The following TANC2 variants were observed in gnomAD, a reference collection of about 807,000 sequenced individuals.
TANC2 encodes the protein tetratricopeptide repeat, ankyrin repeat and coiled-coil containing 2.
TANC2 carries 26 observed loss-of-function variants against 210.5 expected under a neutral mutation model. That is an observed-to-expected ratio of 0.12 (90% CI 0.09 to 0.17). The LOEUF (loss-of-function observed/expected upper bound fraction) is 0.17. TANC2 is among the 10% of genes least tolerant of loss of function. The pLI is 1.00. For synonymous variants in TANC2, 931 were observed against 967.1 expected (o/e 0.96, Z 0.69); for missense variants, 2,129 against 2,608.9 (o/e 0.82, Z 4.01).
intron 11 of TANC2, among the ~76,000 whole-genome samples, chr17:63,320,209 T>C (rs933764084): frequency 6.6e-6 from 1 of 152,240 alleles, no homozygotes; most frequent in African/African-American, 2.4e-5. Context: ...AAAATTTGCT[T>C]ATTTTTCTTC....
intron 3 of TANC2, among the ~76,000 whole-genome samples, chr17:63,084,029 A>C (rs1415775228): frequency 2.0e-5 from 3 of 152,180 alleles, no homozygotes; most frequent in African/African-American, 7.2e-5. Context: ...TTCTGCTTCT[A>C]CCTTTTGAAA....
chr17:63,015,116 TA>T (rs145084051), intron 2 of TANC2, among the ~76,000 whole-genome samples: 9,361 of 151,970 alleles, frequency 0.062, 358 homozygotes, highest in African/African-American at 0.11. Flanking sequence ...TTGGGGTTAA[TA>T]AGGGAAGTTT....
At chr17:63,338,353 A>C (rs1459020852) in intron 11 of TANC2, among the ~76,000 whole-genome samples, 1 of 152,228 alleles carries the variant, frequency 6.6e-6, no homozygotes, top group Admixed American at 6.5e-5. Flanking sequence ...TAATAAAATC[A>C]GTAAAATAAT....
At chr17:62,977,226 G>C (rs2032057778) in intron 1 of TANC2, among the ~76,000 whole-genome samples, 1 of 152,138 alleles carries the variant, frequency 6.6e-6, no homozygotes, top group African/African-American at 2.4e-5. Flanking sequence ...AGTTATTTCT[G>C]TAGCACTTTG....
intron 2 of TANC2, among the ~76,000 whole-genome samples, chr17:63,028,993 C>G (rs189313358): frequency 4.6e-5 from 7 of 151,990 alleles, no homozygotes; most frequent in Middle Eastern, 3.4e-3. Flanking sequence ...AATGGTTTTA[C>G]TATTTTACAG....
chr17:63,118,058 G>C (rs930717641), intron 4 of TANC2, among the ~76,000 whole-genome samples: 7 of 152,286 alleles, frequency 4.6e-5, no homozygotes, highest in Non-Finnish European at 1.0e-4. Context: ...GTGAAGGTTA[G>C]ATTGTCTCTC....
intron 9 of TANC2, among the ~76,000 whole-genome samples, chr17:63,305,945 A>G (rs2044887743): frequency 6.6e-6 from 1 of 152,174 alleles, no homozygotes; most frequent in Non-Finnish European, 1.5e-5. Context: ...CGTGGACAGG[A>G]CAGAATTGAG....
intron 2 of TANC2, among the ~76,000 whole-genome samples, chr17:63,038,377 C>T (rs1422087297): frequency 6.6e-6 from 1 of 152,150 alleles, no homozygotes; most frequent in Non-Finnish European, 1.5e-5. Flanking sequence ...CCCACCTACT[C>T]ATAGTTTGTT....
intron 11 of TANC2, among the ~76,000 whole-genome samples, chr17:63,329,698 A>G (rs567880969): frequency 6.6e-6 from 1 of 152,314 alleles, no homozygotes; most frequent in African/African-American, 2.4e-5. Context: ...AGATACCATG[A>G]AGACAGCAAA....
At chr17:63,237,943 A>T in exon 8 of TANC2, 1 of 1,589,260 alleles carries the variant, frequency 6.3e-7, no homozygotes, top group Non-Finnish European at 8.6e-7. Flanking sequence ...TCCTGTTTGT[A>T]TCGAGTAGAT....
intron 4 of TANC2, among the ~76,000 whole-genome samples, chr17:63,112,374 G>T (rs575908268): frequency 6.6e-6 from 1 of 152,142 alleles, no homozygotes; most frequent in African/African-American, 2.4e-5. Flanking sequence ...CTAGGGGGAG[G>T]CAGTAGGCAA....
chr17:63,097,892 A>G (rs920323991), intron 3 of TANC2, among the ~76,000 whole-genome samples: 1 of 152,056 alleles, frequency 6.6e-6, no homozygotes, highest in African/African-American at 2.4e-5. Flanking sequence ...CATCATTTTA[A>G]TGTTTTCTTC....
intron 4 of TANC2, among the ~76,000 whole-genome samples, chr17:63,123,610 G>A (rs553805385): frequency 2.0e-5 from 3 of 148,648 alleles, no homozygotes; most frequent in Non-Finnish European, 4.5e-5. Flanking sequence ...TTGAAAATAA[G>A]TAAGGTTTTA....
chr17:63,285,626 G>A (rs1316219261), intron 9 of TANC2, among the ~76,000 whole-genome samples: 1 of 152,178 alleles, frequency 6.6e-6, no homozygotes, highest in Non-Finnish European at 1.5e-5. Context: ...CATGGTGCAA[G>A]TCTGGAGGAA....
chr17:63,231,173 A>G (rs528485382), intron 7 of TANC2, among the ~76,000 whole-genome samples: 26 of 151,992 alleles, frequency 1.7e-4, no homozygotes, highest in African/African-American at 6.0e-4. Context: ...TGCATTTGAG[A>G]TGGGTCTCTT....
intron 1 of TANC2, among the ~76,000 whole-genome samples, chr17:63,000,665 A>G (rs1038420122): frequency 6.6e-6 from 1 of 152,188 alleles, no homozygotes; most frequent in African/African-American, 2.4e-5. Flanking sequence ...CTGTCCAGAT[A>G]TTTCACTTGC....
chr17:63,302,142 CTG>C (rs543885830), intron 9 of TANC2, among the ~76,000 whole-genome samples: 4,021 of 152,238 alleles, frequency 0.026, 65 homozygotes, highest in Non-Finnish European at 0.038. Context: ...GTCTGAGAAA[CTG>C]TTTTTTATTA....
intron 9 of TANC2, among the ~76,000 whole-genome samples, chr17:63,286,211 T>A (rs2044216153): frequency 6.6e-6 from 1 of 152,240 alleles, no homozygotes; most frequent in Admixed American, 6.5e-5. Context: ...CATTTCTTTG[T>A]GTTAATCCAT....
At chr17:63,002,361 C>T (rs1048801256) in intron 1 of TANC2, among the ~76,000 whole-genome samples, 2 of 152,150 alleles carry the variant, frequency 1.3e-5, no homozygotes, top group South Asian at 2.1e-4. Context: ...TTTTAGTTAT[C>T]GCATGTATAT....
Sources: gnomAD v4.1 joint callset for allele counts (sites outside exome capture counted in the v4.1 genomes callset) on GRCh38, gnomAD v4.1.1 for gene constraint, MANE v1.5 for transcripts, NCBI Gene and HGNC (gene_info 2026-07-23, HGNC 2026-07-21) for gene names.